The following USP24 variants were observed in gnomAD, a reference collection of about 807,000 sequenced individuals.
USP24 encodes the protein ubiquitin specific peptidase 24.
USP24 carries 97 observed loss-of-function variants against 361.6 expected under a neutral mutation model. That is an observed-to-expected ratio of 0.27 (90% confidence interval 0.23 to 0.32). The LOEUF (loss-of-function observed/expected upper bound fraction) is 0.32. USP24 is among the 10% of genes least tolerant of loss of function. The pLI is 1.00. For synonymous variants in USP24, 1,098 were observed against 1,124.6 expected, an observed-to-expected ratio of 0.98 and a Z score of 0.47; for missense variants, 2,353 against 3,165.6, an observed-to-expected ratio of 0.74 and a Z score of 6.16.
Position 55,144,202 on chromosome 1 carries a change from A to G in USP24, c.2364T>C (p.Gly788=), listed in dbSNP as rs760065923. 1.9e-6 allele frequency: 3 copies of G among 1,577,954 alleles called. No homozygotes were observed. In the African/African-American group the frequency reaches 4.1e-5, roughly 21 times the overall value. The change falls in exon 21 of 68, where the codon GGT becomes GGC. Residue 788 remains glycine, a splice_region_variant and synonymous_variant. Coordinates refer to ENST00000294383, the MANE Select transcript of USP24 (RefSeq NM_015306.3). The stretch of plus-strand genomic sequence containing the variant: ...CAAAAAAAGTTTTAAATAAGTTAAA[A>G]CCTGTAATTATAGAATGCCAAATAA... ...KLESYEITMN[G]FNLFKTFFEN... is the part of the protein sequence containing the mutation.
chr1:55,096,738 A>C (rs1230521986), intron 49 of USP24, 116 bp from the exon 50 acceptor site: 1 of 1,440,272 alleles, frequency 6.9e-7, no homozygotes, highest in East Asian at 2.3e-5. Flanking sequence ...ATTTGAAAAT[A>C]TCTAAGAAAT....
At chr1:55,146,826 T>C in intron 19 of USP24, 103 bp downstream of exon 19, 2 of 1,409,340 alleles carry the variant, frequency 1.4e-6, no homozygotes, top group Non-Finnish European at 1.9e-6. Flanking sequence ...ATACTATTTA[T>C]GCTTATATAA....
intron 4 of USP24, 62 bp from the exon 5 acceptor site, chr1:55,171,740 TAGAAA>T (rs1172741481): frequency 2.6e-6 from 4 of 1,517,232 alleles, no homozygotes; most frequent in Non-Finnish European, 3.6e-6. Context: ...ATATTAGCAT[TAGAAA>T]AGAAGATAAA....
intron 26 of USP24, 25 bp downstream of exon 26, chr1:55,138,583 G>A: frequency 1.3e-6 from 2 of 1,492,372 alleles, no homozygotes; most frequent in Non-Finnish European, 1.9e-6. Context: ...CATGAAAATG[G>A]CTGTAGTTCT....
At chr1:55,171,830 A>G (rs1321995090) in intron 4 of USP24, among the ~76,000 whole-genome samples, 152 bp from the exon 5 acceptor site, 1 of 152,206 alleles carries the variant, frequency 6.6e-6, no homozygotes, top group African/African-American at 2.4e-5. Flanking sequence ...AGCTAGTGCA[A>G]AAGTGCTAAG....
In USP24 at chr1:55,101,692, TG is replaced by T; in HGVS notation, c.5036del (p.Pro1679GlnfsTer13). ...ALTKEFDYLPPVDSRSSSGFV... is the reference protein window; with the variant it reads ...ALTKEFDYLPXVDSRSSSGFV... ...ACCCTGAACTGGACCTGCTATCCAC[TG>T]GGGGAAGGTACTGGAAAAGAGAGGA... On this transcript the variant is annotated frameshift_variant, in exon 43 of 68. Coordinates refer to ENST00000294383, the MANE Select transcript of USP24 (RefSeq NM_015306.3). LOFTEE classifies it high-confidence loss of function. 1 of 1,605,316 alleles carries T rather than the reference TG, an allele frequency of 6.2e-7. No homozygotes were observed.
intron 5 of USP24, among the ~76,000 whole-genome samples, chr1:55,171,341 C>A (rs1649420329): frequency 6.6e-6 from 1 of 152,050 alleles, no homozygotes; most frequent in South Asian, 2.1e-4. Flanking sequence ...AACATCATTT[C>A]AAACCTATAA....
In USP24 at chr1:55,120,604, G is replaced by A. The variant is rs1335695731; in HGVS notation, c.4500C>T (p.Val1500=). Residue 1500 remains valine (V), a synonymous_variant, in exon 38 of 68, where the codon GTC becomes GTT. Coordinates refer to ENST00000294383, the MANE Select transcript of USP24 (RefSeq NM_015306.3). ...CCATTTTTATTACCTACCTCTGATTGACTCCTCTCATAATACTAGTTGGAG... is the reference window on the plus strand; with the variant it reads ...CCATTTTTATTACCTACCTCTGATTAACTCCTCTCATAATACTAGTTGGAG... ...LWSPTSIMRG[V]NQRLLSQCME... The A allele has an allele frequency of 1.3e-6, 2 of 1,550,108 alleles. No homozygotes were observed. The highest frequency in any genetic ancestry group is 2.0e-5 in the Admixed American group (1 of 49,810).
In USP24 at chr1:55,121,299, G is replaced by A. The variant is rs904513715; in HGVS notation, c.4347+137C>T. ...GTCCAAATGGTTACTTTTCTTTCAT[G>A]GTCTGCAGCCCCTTCGTACACTCCC... On this transcript the variant is annotated intron_variant, in intron 37 of 67. Transcript: ENST00000294383. 20 of 658,824 alleles carry A rather than the reference G, an allele frequency of 3.0e-5. No individual in the cohort carries two copies. The African/African-American group carries it at 3.5e-4, about 12-fold the overall frequency. The allele number at this position is 658,824 out of a possible 1,614,324, so 40.8% of individuals were successfully genotyped here.
Position 55,068,059 on chromosome 1 carries a change from C to T in USP24, c.*986G>A, listed in dbSNP as rs1277308801. On this transcript the variant is annotated 3_prime_UTR_variant, in exon 68 of 68. Transcript: ENST00000294383. ...GAAACTCACAAGCAGTGTGTACCAACTCAAATAGTTAACTTCATATACAAC... is the reference window on the plus strand; with the variant it reads ...GAAACTCACAAGCAGTGTGTACCAATTCAAATAGTTAACTTCATATACAAC... 1 of 152,236 alleles carries T rather than the reference C, an allele frequency of 6.6e-6. No homozygotes were observed. The highest frequency in any genetic ancestry group is 1.5e-5 in the Non-Finnish European group (1 of 68,046). The allele number at this position is 152,236 out of a possible 1,614,324, so 9.4% of individuals were successfully genotyped here.
chr1:55,117,345 G>A (rs945583079), intron 38 of USP24, among the ~76,000 whole-genome samples: 1 of 152,166 alleles, frequency 6.6e-6, no homozygotes, highest in Non-Finnish European at 1.5e-5. Flanking sequence ...GCAAGAAAAA[G>A]AACTAAAAGA....
Position 55,086,016 on chromosome 1 carries a change from C to T in USP24, c.6691G>A (p.Val2231Met). 6.2e-7 allele frequency: 1 copy of T among 1,613,948 alleles called. No individual in the cohort carries two copies. The highest frequency in any genetic ancestry group is 8.5e-7 in the Non-Finnish European group (1 of 1,179,840). The change falls in exon 56 of 68, where the codon GTG (valine) becomes ATG (methionine). Residue 2231 changes from valine (V) to methionine (M), a missense_variant. By Grantham distance (21) the Val-to-Met change is conservative (BLOSUM62 1). Coordinates refer to ENST00000294383, the MANE Select transcript of USP24 (RefSeq NM_015306.3). ...LIKIFLLECN[V>M]REVRVAVATI... ...GCCACAGCAACTCGTACTTCTCTCA[C>T]ATTGCACTCCAGTAAGAAAATCCTG...
rs191245521 is a variant in USP24 at position 55,076,390 on chromosome 1, T to C, written c.7380+845A>G. 5.9e-5 allele frequency among the ~76,000 whole-genome samples: 9 copies of C among 152,340 alleles called. No individual in the cohort carries two copies. The East Asian group carries it at 1.7e-3, about 29-fold the overall frequency. Reference sequence around the variant, plus strand: ...GAAGTAAAGAACTTGAAAAATAAGCTTTTAACAAATGGCATCTATGATGTC... The same window carrying C: ...GAAGTAAAGAACTTGAAAAATAAGCCTTTAACAAATGGCATCTATGATGTC... On this transcript the variant is annotated intron_variant, in intron 62 of 67. Coordinates refer to ENST00000294383, the MANE Select transcript of USP24 (RefSeq NM_015306.3).
chr1:55,159,836 C>G (rs1187063593), intron 8 of USP24, among the ~76,000 whole-genome samples, 151 bp from the exon 9 acceptor site: 1 of 152,152 alleles, frequency 6.6e-6, no homozygotes, highest in Non-Finnish European at 1.5e-5. Flanking sequence ...GCTAATACTG[C>G]CAAATAAACC....
chr1:55,168,102 T>C (rs1418438418), intron 5 of USP24, among the ~76,000 whole-genome samples: 2 of 152,128 alleles, frequency 1.3e-5, no homozygotes. Context: ...AGAGGAAACA[T>C]GGCTTGGGGG....
intron 1 of USP24, among the ~76,000 whole-genome samples, chr1:55,181,634 T>A (rs1643969119): frequency 6.6e-6 from 1 of 152,216 alleles, no homozygotes; most frequent in Admixed American, 6.5e-5. Flanking sequence ...GTCATTACTA[T>A]GGAGTATCTA....
At chr1:55,112,582 T>C (rs992451321) in intron 38 of USP24, among the ~76,000 whole-genome samples, 5 of 152,208 alleles carry the variant, frequency 3.3e-5, no homozygotes, top group African/African-American at 1.2e-4. Flanking sequence ...AGTTGTGCGA[T>C]TTTGAGTGAA....
In USP24 at chr1:55,068,956, C is replaced by G. The variant is rs1644865586; in HGVS notation, c.*89G>C. On this transcript the variant is annotated 3_prime_UTR_variant, in exon 68 of 68. Transcript: ENST00000294383. Reference sequence around the variant, plus strand: ...CAGCTTTCCCAGTCCAATCTCCAGGCTCTTCCAAAGGGTTCGAGATTCTGA... The same window carrying G: ...CAGCTTTCCCAGTCCAATCTCCAGGGTCTTCCAAAGGGTTCGAGATTCTGA... 7.1e-7 allele frequency: 1 copy of G among 1,404,086 alleles called. No homozygotes were observed. Among genetic ancestry groups the G allele is most frequent in the Admixed American group, 1.8e-5 (1 of 57,004 alleles). The allele number at this position is 1,404,086 out of a possible 1,614,324, so 87.0% of individuals were successfully genotyped here.
intron 1 of USP24, among the ~76,000 whole-genome samples, chr1:55,203,565 T>C (rs969215906): frequency 6.6e-6 from 1 of 152,252 alleles, no homozygotes; most frequent in Non-Finnish European, 1.5e-5. Flanking sequence ...GAAGTATATC[T>C]TGCTAAGTAG....
Sources: allele counts gnomAD v4.1 joint callset (sites outside exome capture counted in the v4.1 genomes callset), GRCh38; gene constraint gnomAD v4.1.1; transcripts MANE v1.5; gene names NCBI Gene and HGNC (gene_info 2026-07-23, HGNC 2026-07-21).